CDKN2A: variants seen among roughly 807,000 people sequenced by gnomAD.
CDKN2A encodes the protein cyclin dependent kinase inhibitor 2A.
Under a neutral mutation model 11.1 loss-of-function variants are expected in CDKN2A, and 3 were observed. The ratio of observed to expected loss-of-function variants is 0.27; its 90% CI spans 0.12 to 0.70. The LOEUF is 0.70. CDKN2A is among the 30% of genes least tolerant of loss of function. CDKN2A has a pLI of 0.77. For synonymous variants in CDKN2A, 122 were observed against 108.1 expected (o/e 1.13, Z -0.80); for missense variants, 265 against 233.6 (o/e 1.13, Z -0.88).
chr9:21,969,742 C>T, intron 2 of CDKN2A: 1 of 397,310 alleles, frequency 2.5e-6, no homozygotes, highest in Non-Finnish European at 4.4e-6. Flanking sequence ...CTAGCTGTAA[C>T]TGGAGCCGAA....
At chr9:21,975,479 C>T (rs1252335771), upstream of CDKN2A, among the ~76,000 whole-genome samples, 1 of 151,842 alleles carries the variant, frequency 6.6e-6, no homozygotes, top group Admixed American at 6.6e-5. Flanking sequence ...ACCCCCTCAA[C>T]CCTTGATTTT....
At position 21,968,341 on chromosome 9, in the gene CDKN2A, TACTTATGGATAA is replaced by T; in HGVS notation, c.458-111_458-100del. On this transcript the variant is annotated intron_variant, in intron 2 of 2. Coordinates refer to ENST00000304494, the MANE Select transcript of CDKN2A (RefSeq NM_000077.5). This position sits in a 1 kb window ranked among gnomAD's most constrained non-coding sequence, Gnocchi z 4.7. ...CTTGCCGTCCCTACCGGCATTGAAATACTTATGGATAAAGTTCTCGCAATGGCTTCACGTGCA... is the reference window on the plus strand; with the variant it reads ...CTTGCCGTCCCTACCGGCATTGAAATAGTTCTCGCAATGGCTTCACGTGCA... 6.5e-7 allele frequency: 1 copy of T among 1,534,894 alleles called. No individual in the cohort carries two copies. The highest frequency in any genetic ancestry group is 9.0e-7 in the Non-Finnish European group (1 of 1,116,408).
At chr9:21,994,426 C>A (rs1333586229) in intron 1 of CDKN2A, 1 of 1,594,806 alleles carries the variant, frequency 6.3e-7, no homozygotes, top group East Asian at 2.2e-5. Context: ...TAACTGCAGA[C>A]TGGGACCCAC....
At chr9:21,980,996 ATATATACGTG>A (rs748609357) in intron 2 of CDKN2A, among the ~76,000 whole-genome samples, 336 of 15,370 alleles carry the variant, frequency 0.022, 45 homozygotes, top group Non-Finnish European at 0.037. Context: ...ACACGTATAT[ATATATACGTG>A]TATATATATA....
rs1554656665 is a variant in CDKN2A at position 21,974,806 on chromosome 9, T to C, written c.22A>G (p.Ser8Gly). ...AGCCAGTCAGCCGAAGGCTCCATGCTGCTCCCCGCCGCCGGCTCCATGCTG... is the reference window on the plus strand; with the variant it reads ...AGCCAGTCAGCCGAAGGCTCCATGCCGCTCCCCGCCGCCGGCTCCATGCTG... MEPAAGS[S>G]MEPSADWLAT... The change falls in exon 1 of 3, where the codon AGC becomes GGC. Residue 8 changes from serine (S) to glycine (G), a missense_variant. Transcript: ENST00000304494. This position sits in a 1 kb window ranked among gnomAD's most constrained non-coding sequence, Gnocchi z 5.2. The C allele has an allele frequency of 6.2e-7, 1 of 1,603,398 alleles. No individual in the cohort carries two copies. The highest frequency in any genetic ancestry group is 8.5e-7 in the Non-Finnish European group (1 of 1,178,016).
upstream of CDKN2A, among the ~76,000 whole-genome samples, chr9:21,976,693 G>A (rs1369638962): frequency 6.6e-6 from 1 of 152,104 alleles, no homozygotes; most frequent in Non-Finnish European, 1.5e-5. Flanking sequence ...ACTCCAGCCT[G>A]GGAGACAAGA....
intron 2 of CDKN2A, among the ~76,000 whole-genome samples, chr9:21,981,742 C>T (rs1820203309): frequency 6.6e-6 from 1 of 151,898 alleles, no homozygotes; most frequent in Non-Finnish European, 1.5e-5. Flanking sequence ...GCTCCTGAAG[C>T]TGCCCCGGAT....
chr9:21,984,592 G>A (rs192403417), intron 2 of CDKN2A, among the ~76,000 whole-genome samples: 109 of 152,010 alleles, frequency 7.2e-4, no homozygotes, highest in African/African-American at 2.3e-3. Context: ...GCTGATGTAC[G>A]CATGTGCTGT....
At chr9:21,990,611 TGAGAGAGAGAGAGAGA>T (rs60431211) in intron 2 of CDKN2A, among the ~76,000 whole-genome samples, 7 of 89,674 alleles carry the variant, frequency 7.8e-5, no homozygotes, top group African/African-American at 2.3e-4. Context: ...ACTAATTTGG[TGAGAGAGAGAGAGAGA>T]GAGAGAGAGA....
intron 2 of CDKN2A, among the ~76,000 whole-genome samples, chr9:21,986,622 T>C (rs1050391270): frequency 3.3e-5 from 5 of 151,866 alleles, no homozygotes; most frequent in African/African-American, 9.7e-5. Flanking sequence ...AAATGAAACA[T>C]TGAAAACATA....
chr9:21,993,893 G>A, exon 2 of CDKN2A: 1 of 571,592 alleles, frequency 1.7e-6, no homozygotes, highest in Non-Finnish European at 3.1e-6. Flanking sequence ...GACTTCTGAG[G>A]TGGGTTTAGA....
rs36174997 is a variant in CDKN2A, at chr9:21,981,106, G to GTA, written c.-3-9900_-3-9899dup. On this transcript the variant is annotated intron_variant, in intron 2 of 3. Transcript: ENST00000494262. ...TATATATACGTGTATATATATACGT[G>GTA]TATATATATATATACGTGTATATAT... Among the ~76,000 whole-genome samples the GTA allele has an allele frequency of 5.7e-4, 10 of 17,618 alleles. 3 individuals are homozygous for GTA. The highest frequency in any genetic ancestry group is 2.6e-3 in the African/African-American group (9 of 3,472). 11.6% of individuals were successfully genotyped at this position (17,618 alleles called of 152,430 possible).
At chr9:21,992,890 A>C (rs1478696944) in intron 2 of CDKN2A, among the ~76,000 whole-genome samples, 1 of 152,208 alleles carries the variant, frequency 6.6e-6, no homozygotes, top group African/African-American at 2.4e-5. Context: ...AATTAAAATC[A>C]AATCCAGCAA....
upstream of CDKN2A, among the ~76,000 whole-genome samples, chr9:21,977,372 T>G (rs1402760585): frequency 2.0e-5 from 3 of 152,164 alleles, no homozygotes; most frequent in African/African-American, 4.8e-5. Flanking sequence ...TGTGTGTTTT[T>G]TTGAGATGGA....
intron 1 of CDKN2A, among the ~76,000 whole-genome samples, chr9:21,972,672 C>G (rs1451358508): frequency 6.6e-6 from 1 of 152,174 alleles, no homozygotes; most frequent in Non-Finnish European, 1.5e-5. Context: ...AAACACTTCC[C>G]AGGTTTATGA....
upstream of CDKN2A, among the ~76,000 whole-genome samples, chr9:21,977,897 T>C (rs1820079259): frequency 6.6e-6 from 1 of 152,122 alleles, no homozygotes; most frequent in Admixed American, 6.6e-5. Context: ...GTGAAAAATA[T>C]ATATAGCTAT....
intron 2 of CDKN2A, among the ~76,000 whole-genome samples, chr9:21,990,553 A>G (rs1391893084): frequency 6.7e-6 from 1 of 148,430 alleles, no homozygotes; most frequent in Admixed American, 6.9e-5. Context: ...GAAAATAAAT[A>G]TCACCAAACT....
intron 2 of CDKN2A, among the ~76,000 whole-genome samples, chr9:21,984,022 G>A (rs906590908): frequency 1.3e-5 from 2 of 152,000 alleles, no homozygotes; most frequent in Non-Finnish European, 2.9e-5. Flanking sequence ...ATAAAAATCC[G>A]GGTGCACGGT....
intron 1 of CDKN2A, among the ~76,000 whole-genome samples, chr9:21,973,313 T>A (rs914267278): frequency 6.6e-6 from 1 of 152,234 alleles, no homozygotes; most frequent in East Asian, 1.9e-4. Flanking sequence ...TATACTAATA[T>A]GAATTTAGTA....
Sources: allele counts gnomAD v4.1 joint callset (sites outside exome capture counted in the v4.1 genomes callset), GRCh38; gene constraint gnomAD v4.1.1; non-coding constraint Gnocchi (gnomAD v3.1); transcripts MANE v1.5; gene names NCBI Gene and HGNC (gene_info 2026-07-23, HGNC 2026-07-21).